The following WDPCP variants were observed in gnomAD, a reference collection of about 807,000 sequenced individuals.
The protein encoded by WDPCP is WD repeat containing planar cell polarity effector, also known as WD repeat-containing and planar cell polarity effector protein fritz homolog.
Under a neutral mutation model 93.1 loss-of-function variants are expected in WDPCP, and 71 were observed. The ratio of observed to expected loss-of-function variants is 0.76; its 90% CI spans 0.63 to 0.93. The LOEUF is 0.93. Among genes scored for constraint, WDPCP ranks in the 40% least tolerant of loss-of-function variants. The probability of loss-of-function intolerance (pLI) is 0.00; values close to 1 mark genes in which losing one functional copy is unlikely to be tolerated. For synonymous variants in WDPCP, 315 were observed against 315.0 expected, an observed-to-expected ratio of 1.00 and a Z score of 0.00; for missense variants, 844 against 887.4, an observed-to-expected ratio of 0.95 and a Z score of 0.62.
intron 2 of WDPCP, among the ~76,000 whole-genome samples, chr2:63,738,000 G>A (rs1381665244): frequency 6.6e-6 from 1 of 152,076 alleles, no homozygotes; most frequent in Non-Finnish European, 1.5e-5. Flanking sequence ...TTAGATTGCT[G>A]GGCCCCACCC....
chr2:63,312,395 G>A (rs1575116712), intron 13 of WDPCP, among the ~76,000 whole-genome samples: 1 of 152,086 alleles, frequency 6.6e-6, no homozygotes, highest in Non-Finnish European at 1.5e-5. Flanking sequence ...TTGATTTATT[G>A]TTTCTGTGAC....
intron 1 of WDPCP, among the ~76,000 whole-genome samples, chr2:63,533,271 C>A (rs893529320): frequency 2.0e-5 from 3 of 152,160 alleles, no homozygotes; most frequent in African/African-American, 7.2e-5. Flanking sequence ...GAGACTTGAA[C>A]ACCTCACCAT....
upstream of WDPCP, among the ~76,000 whole-genome samples, chr2:63,830,919 T>C (rs1308377464): frequency 1.3e-5 from 2 of 152,198 alleles, no homozygotes; most frequent in East Asian, 3.8e-4. Flanking sequence ...TAGATTTTTT[T>C]TCTGAGGTTC....
chr2:63,802,281 TAAAA>T (rs58717654), intron 2 of WDPCP, among the ~76,000 whole-genome samples: 96 of 54,224 alleles, frequency 1.8e-3, no homozygotes, highest in African/African-American at 2.7e-3. Context: ...CCCTCTCTCT[TAAAA>T]AAAAAAAAAA....
intron 2 of WDPCP, among the ~76,000 whole-genome samples, chr2:63,662,625 C>T (rs1228827289): frequency 7.4e-6 from 1 of 134,536 alleles, no homozygotes; most frequent in Non-Finnish European, 1.5e-5. Context: ...TGATTATCTG[C>T]CCATCATCTC....
chr2:63,521,672 G>A (rs1702943776), intron 1 of WDPCP, among the ~76,000 whole-genome samples: 1 of 152,050 alleles, frequency 6.6e-6, no homozygotes, highest in Non-Finnish European at 1.5e-5. Context: ...CTGGACCAAA[G>A]GGACCTAATA....
intron 12 of WDPCP, among the ~76,000 whole-genome samples, chr2:63,340,593 T>A (rs964804801): frequency 6.6e-6 from 1 of 152,206 alleles, no homozygotes; most frequent in Non-Finnish European, 1.5e-5. Context: ...TCTTACTTTT[T>A]CCAGTATAGA....
chr2:63,804,667 A>G (rs1277928248), intron 2 of WDPCP, among the ~76,000 whole-genome samples: 1 of 151,832 alleles, frequency 6.6e-6, no homozygotes, highest in African/African-American at 2.4e-5. Context: ...AGAAGGACTC[A>G]AGATCTCTCT....
intron 2 of WDPCP, among the ~76,000 whole-genome samples, chr2:63,699,165 C>A (rs2103697796): frequency 6.6e-6 from 1 of 152,308 alleles, no homozygotes; most frequent in Admixed American, 6.5e-5. Context: ...CCCTTCCCAG[C>A]TGGTTAGCAG....
At chr2:63,593,614 C>G (rs1234313420), upstream of WDPCP, 1 of 471,568 alleles carries the variant, frequency 2.1e-6, no homozygotes, top group Non-Finnish European at 4.4e-6. Context: ...ATCAGTGGAC[C>G]ATTTCTCCAT....
chr2:63,230,745 G>T (rs150875466), intron 14 of WDPCP, among the ~76,000 whole-genome samples: 4,447 of 152,244 alleles, frequency 0.029, 194 homozygotes, highest in African/African-American at 0.098. Flanking sequence ...CTTTTGAGAA[G>T]TGTATGTTCA....
intron 4 of WDPCP, 22 bp downstream of exon 4, chr2:63,486,520 A>G: frequency 6.4e-7 from 1 of 1,551,282 alleles, no homozygotes; most frequent in South Asian, 1.2e-5. Context: ...TAATAATTCC[A>G]AAAAATATAA....
At chr2:63,787,769 G>C (rs1670490487) in intron 2 of WDPCP, among the ~76,000 whole-genome samples, 1 of 152,166 alleles carries the variant, frequency 6.6e-6, no homozygotes, top group Non-Finnish European at 1.5e-5. Context: ...ACCAGGCACA[G>C]TAGCTCATGT....
intron 2 of WDPCP, among the ~76,000 whole-genome samples, chr2:63,753,551 A>G (rs1020284651): frequency 2.6e-4 from 40 of 152,334 alleles, no homozygotes; most frequent in African/African-American, 9.6e-4. Context: ...GGGAGGCCTC[A>G]GGAAATTTAC....
intron 6 of WDPCP, among the ~76,000 whole-genome samples, chr2:63,458,867 C>T (rs892714934): frequency 6.6e-5 from 10 of 152,010 alleles, no homozygotes; most frequent in Admixed American, 4.6e-4. Flanking sequence ...GCATGATATT[C>T]GTGTAACAAC....
At chr2:63,322,899 G>T (rs1486443512) in intron 12 of WDPCP, among the ~76,000 whole-genome samples, 1 of 152,196 alleles carries the variant, frequency 6.6e-6, no homozygotes, top group Non-Finnish European at 1.5e-5. Flanking sequence ...CTAAATACCA[G>T]GCACCTGTCG....
At chr2:63,251,642 C>T (rs898080889) in intron 14 of WDPCP, among the ~76,000 whole-genome samples, 3 of 151,746 alleles carry the variant, frequency 2.0e-5, no homozygotes, top group African/African-American at 4.8e-5. Flanking sequence ...CAGTCACTCA[C>T]CATCATGCCT....
At chr2:63,594,595 A>G (rs1709266960) in intron 3 of WDPCP, 3 of 1,572,184 alleles carry the variant, frequency 1.9e-6, no homozygotes, top group Non-Finnish European at 2.6e-6. Context: ...AGGTAGGAAC[A>G]GGTGTCTATA....
intron 1 of WDPCP, among the ~76,000 whole-genome samples, chr2:63,583,724 T>C (rs1236239092): frequency 2.0e-5 from 3 of 151,904 alleles, no homozygotes; most frequent in Non-Finnish European, 1.5e-5. Flanking sequence ...TAAATAGTTA[T>C]TTTAGGGTAC....
Sources: allele counts gnomAD v4.1 joint callset (sites outside exome capture counted in the v4.1 genomes callset), GRCh38; gene constraint gnomAD v4.1.1; transcripts MANE v1.5; gene names NCBI Gene and HGNC (gene_info 2026-07-23, HGNC 2026-07-21).